The following CD276 variants were observed in gnomAD, a reference collection of about 807,000 sequenced individuals.
CD276 encodes CD276 molecule.
A neutral mutation model predicts 50.0 loss-of-function variants in CD276; 34 were observed. The observed-to-expected ratio is 0.68, with a 90% confidence interval of 0.52 to 0.91. The LOEUF (loss-of-function observed/expected upper bound fraction) is 0.91, where lower values mean the gene tolerates loss of function less well. CD276 is among the 40% of genes least tolerant of loss of function. The pLI is 0.00. For missense variants in CD276, 634 were observed against 717.5 expected, an observed-to-expected ratio of 0.88 and a Z score of 1.33; for synonymous variants, 275 against 313.0, an observed-to-expected ratio of 0.88 and a Z score of 1.28.
chr15:73,699,131 T>G (rs1476134108), intron 1 of CD276, among the ~76,000 whole-genome samples: 1 of 152,174 alleles, frequency 6.6e-6, no homozygotes, highest in Non-Finnish European at 1.5e-5. Context: ...TGTATTTCCC[T>G]TATTCAGGAA....
At chr15:73,706,743 G>A (rs1900666818) in intron 6 of CD276, among the ~76,000 whole-genome samples, 2 of 152,250 alleles carry the variant, frequency 1.3e-5, no homozygotes, top group South Asian at 4.1e-4. Flanking sequence ...TAGTGAAGTT[G>A]TGTGCTGTGC....
intron 4 of CD276, among the ~76,000 whole-genome samples, 154 bp downstream of exon 4, chr15:73,703,240 A>C (rs1900490189): frequency 6.6e-6 from 1 of 152,070 alleles, no homozygotes; most frequent in African/African-American, 2.4e-5. Context: ...GGGGATGTTC[A>C]CTGGAGGGGT....
chr15:73,685,479 G>A (rs1435793062), intron 1 of CD276, among the ~76,000 whole-genome samples: 2 of 150,840 alleles, frequency 1.3e-5, no homozygotes, highest in African/African-American at 4.9e-5. Context: ...GTGTGTGTGT[G>A]TGTGTGTGTG....
At chr15:73,710,545 C>T (rs902871776) in intron 8 of CD276, among the ~76,000 whole-genome samples, 12 of 152,234 alleles carry the variant, frequency 7.9e-5, no homozygotes, top group African/African-American at 1.9e-4. Flanking sequence ...CAGTTAATGC[C>T]AGTTCCCTCC....
chr15:73,686,403 C>T, intron 1 of CD276: 1 of 501,156 alleles, frequency 2.0e-6, no homozygotes. Context: ...TGTCCAGGCA[C>T]CACCCGATGG....
At chr15:73,703,232 G>T in intron 4 of CD276, 146 bp downstream of exon 4, 1 of 1,046,442 alleles carries the variant, frequency 9.6e-7, no homozygotes, top group Non-Finnish European at 1.4e-6. Flanking sequence ...GGGGAGGTGG[G>T]GATGTTCACT....
In CD276 at chr15:73,704,186, G is replaced by A. The variant is rs775922140; in HGVS notation, c.1083G>A (p.Ser361=). 152 of 1,612,082 alleles carry A rather than the reference G, an allele frequency of 9.4e-5. No individual in the cohort carries two copies. Among genetic ancestry groups the A allele is most frequent in the Non-Finnish European group, 1.2e-4 (139 of 1,179,086 alleles). Residue 361 remains serine, a synonymous_variant, in exon 6 of 10, where the codon TCG becomes TCA. Coordinates refer to ENST00000318443, the MANE Select transcript of CD276 (RefSeq NM_001024736.2). This position sits in a 1 kb window ranked among gnomAD's most constrained non-coding sequence, Gnocchi z 4.1. ...AVSLQVAAPY[S]KPSMTLEPNK... ...CTCTGTCACCTCCAGCTCCCTACTC[G>A]AAGCCCAGCATGACCCTGGAGCCCA...
At chr15:73,705,976 A>G (rs1900633467) in intron 6 of CD276, among the ~76,000 whole-genome samples, 1 of 152,198 alleles carries the variant, frequency 6.6e-6, no homozygotes, top group African/African-American at 2.4e-5. Context: ...AGGGCTGGGC[A>G]TGGTGGCTCA....
At chr15:73,701,514 A>G (rs1900387256) in intron 2 of CD276, among the ~76,000 whole-genome samples, 2 of 152,206 alleles carry the variant, frequency 1.3e-5, no homozygotes, top group African/African-American at 4.8e-5. Flanking sequence ...TGTGTCTGCC[A>G]CACTGGACGC....
intron 1 of CD276, chr15:73,686,347 T>A (rs1899760472): frequency 1.0e-6 from 1 of 974,608 alleles, no homozygotes. Context: ...AGAAGGGGTG[T>A]TGGAATCTGA....
Position 73,709,662 on chromosome 15 carries a change from G to GA in CD276, c.1520dup (p.Asp507GlufsTer18). 1 of 1,613,126 alleles carries GA rather than the reference G, an allele frequency of 6.2e-7. No homozygotes were observed. Among genetic ancestry groups the GA allele is most frequent in the Non-Finnish European group, 8.5e-7 (1 of 1,179,706 alleles). On this transcript the variant is annotated frameshift_variant, in exon 8 of 10. Coordinates refer to ENST00000318443, the MANE Select transcript of CD276 (RefSeq NM_001024736.2). LOFTEE classifies it high-confidence loss of function. ...TGCCTTTGCAGGAGCTGAGGACCAG[G>GA]ATGGGGAGGGAGAAGGCTCCAAGAC... is the stretch of plus-strand genomic sequence containing the variant.
At chr15:73,684,360 TC>T (rs1899648764), upstream of CD276, 1 of 151,112 alleles carries the variant, frequency 6.6e-6, no homozygotes, top group African/African-American at 2.4e-5. Context: ...CCCCTCGGAC[TC>T]CCCGGGCCGC....
chr15:73,699,779 G>A (rs1038618113), intron 2 of CD276, 61 bp downstream of exon 2: 5 of 1,520,468 alleles, frequency 3.3e-6, no homozygotes, highest in Non-Finnish European at 4.4e-6. Context: ...TTGGGGAGGG[G>A]GTGCCCACGC....
At chr15:73,712,519 C>G (rs989237373) in intron 9 of CD276, among the ~76,000 whole-genome samples, 3 of 152,254 alleles carry the variant, frequency 2.0e-5, no homozygotes, top group African/African-American at 7.2e-5. Flanking sequence ...TGCCGTGTCA[C>G]TCTCAGGGAA....
At chr15:73,712,476 A>G (rs1185616397) in intron 9 of CD276, among the ~76,000 whole-genome samples, 1 of 152,114 alleles carries the variant, frequency 6.6e-6, no homozygotes, top group Non-Finnish European at 1.5e-5. Context: ...CTCCACATGG[A>G]GACAGGAAGC....
intron 1 of CD276, among the ~76,000 whole-genome samples, chr15:73,693,460 C>T (rs1900058847): frequency 6.6e-6 from 1 of 152,150 alleles, no homozygotes; most frequent in Non-Finnish European, 1.5e-5. Context: ...GGAATGGACT[C>T]AGTTTAACTG....
rs1900555600 is a variant in CD276, at chr15:73,704,307, G to A, written c.1204G>A (p.Val402Met). The A allele has an allele frequency of 6.2e-7, 1 of 1,613,808 alleles. No individual in the cohort carries two copies. The highest frequency in any genetic ancestry group is 8.5e-7 in the Non-Finnish European group (1 of 1,180,034). The change falls in exon 6 of 10, where the codon GTG (valine) becomes ATG (methionine). Residue 402 changes from valine to methionine, a missense_variant. Val to Met is a conservative substitution (Grantham distance 21, BLOSUM62 1). Coordinates refer to ENST00000318443, the MANE Select transcript of CD276 (RefSeq NM_001024736.2). This position sits in a 1 kb window ranked among gnomAD's most constrained non-coding sequence, Gnocchi z 4.1. ...AEVFWQDGQG[V>M]PLTGNVTTSQ... Reference sequence around the variant, plus strand: ...GGTGTTCTGGCAGGATGGGCAGGGTGTGCCCCTGACTGGCAACGTGACCAC... The same window carrying A: ...GGTGTTCTGGCAGGATGGGCAGGGTATGCCCCTGACTGGCAACGTGACCAC...
Position 73,712,934 on chromosome 15 carries a change from AT to A in CD276, c.1584del (p.Asp528GlufsTer6). 6.2e-7 allele frequency: 1 copy of A among 1,613,742 alleles called. No individual in the cohort carries two copies. Among genetic ancestry groups the A allele is most frequent in the South Asian group, 1.1e-5 (1 of 91,054 alleles). The part of the protein sequence containing the change: ...QPLKHSDSKE[D>X]DGQEIA ...TTTTTCTTCCCATCATGAAATGAAG[AT>A]GATGGACAAGAAATAGCCTGACCAT... On this transcript the variant is annotated frameshift_variant and splice_region_variant, in exon 10 of 10. Coordinates refer to ENST00000318443, the MANE Select transcript of CD276 (RefSeq NM_001024736.2). LOFTEE classifies it high-confidence loss of function.
intron 1 of CD276, among the ~76,000 whole-genome samples, chr15:73,695,843 A>C (rs1410206324): frequency 6.6e-6 from 1 of 152,198 alleles, no homozygotes; most frequent in Non-Finnish European, 1.5e-5. Context: ...AGTGTTGCCC[A>C]AGGAGCCCCT....
Sources: gnomAD v4.1 joint callset for allele counts (sites outside exome capture counted in the v4.1 genomes callset) on GRCh38, gnomAD v4.1.1 for gene constraint, Gnocchi (gnomAD v3.1) non-coding constraint, MANE v1.5 for transcripts, NCBI Gene and HGNC (gene_info 2026-07-23, HGNC 2026-07-21) for gene names.